PLXNC1: variants seen among roughly 807,000 people sequenced by gnomAD.
PLXNC1 encodes plexin-C1.
PLXNC1 carries 75 observed loss-of-function variants against 178.2 expected under a neutral mutation model. That is an observed-to-expected ratio of 0.42 (90% CI 0.35 to 0.51). PLXNC1 has a LOEUF of 0.51. PLXNC1 is among the 20% of genes least tolerant of loss of function. The pLI, the probability that PLXNC1 is intolerant of heterozygous loss-of-function variation, is 0.02. For missense variants in PLXNC1, 1,503 were observed against 1,984.4 expected (o/e 0.76, Z 4.61); for synonymous variants, 790 against 779.9 (o/e 1.01, Z -0.22).
intron 21 of PLXNC1, among the ~76,000 whole-genome samples, chr12:94,275,589 C>T (rs1162572651): frequency 1.2e-5 from 1 of 86,094 alleles, no homozygotes; most frequent in African/African-American, 5.0e-5. Context: ...CGCGGTGGCT[C>T]ACGCCTGTAA....
chr12:94,197,306 G>T (rs1366511131), intron 4 of PLXNC1, among the ~76,000 whole-genome samples: 2 of 152,180 alleles, frequency 1.3e-5, no homozygotes, highest in Non-Finnish European at 2.9e-5. Flanking sequence ...CCTTTCGGAC[G>T]TGATTAGGTC....
At position 94,150,033 on chromosome 12, in the gene PLXNC1, C is replaced by T; in HGVS notation, c.1062C>T (p.Cys354=). The change falls in exon 1 of 31, where the codon TGC becomes TGT. Residue 354 remains cysteine, a splice_region_variant and synonymous_variant. Transcript: ENST00000258526. ...SWDFKTAESH[C]KEGDQPERVQ... ...ACTTCAAGACGGCCGAGAGCCACTG[C>T]GTAAGTCCTGCCCCCGGGGCGCCGC... 1 of 1,580,904 alleles carries T rather than the reference C, an allele frequency of 6.3e-7. No homozygotes were observed.
At chr12:94,196,203 G>T (rs773510748) in intron 4 of PLXNC1, among the ~76,000 whole-genome samples, 3 of 152,182 alleles carry the variant, frequency 2.0e-5, no homozygotes, top group Admixed American at 6.5e-5. Flanking sequence ...ATAGGGCTTA[G>T]ATGTTTTGTC....
chr12:94,189,828 A>G (rs1352827658), intron 4 of PLXNC1, among the ~76,000 whole-genome samples: 2 of 152,192 alleles, frequency 1.3e-5, no homozygotes, highest in Non-Finnish European at 2.9e-5. Flanking sequence ...GAGAGGTGTC[A>G]AGGAACTGAG....
rs1418291782 is a variant in PLXNC1 at position 94,298,718 on chromosome 12, T to C, written c.4161T>C (p.Phe1387=). 1.9e-6 allele frequency: 3 copies of C among 1,613,354 alleles called. No homozygotes were observed. The highest frequency in any genetic ancestry group is 1.1e-5 in the South Asian group (1 of 90,830). ...GAGCTCCATTTGCTATAAAATACTTTTTTGACTTTTTGGACGCCCAGGCTG... is the reference window on the plus strand; with the variant it reads ...GAGCTCCATTTGCTATAAAATACTTCTTTGACTTTTTGGACGCCCAGGCTG... ...NSRAPFAIKY[F]FDFLDAQAEN... The change falls in exon 27 of 31, where the codon TTT becomes TTC. Residue 1387 remains phenylalanine (F), a synonymous_variant. Transcript: ENST00000258526.
At chr12:94,175,688 C>T (rs999069833) in intron 2 of PLXNC1, among the ~76,000 whole-genome samples, 1 of 152,218 alleles carries the variant, frequency 6.6e-6, no homozygotes, top group Non-Finnish European at 1.5e-5. Context: ...CTGAAGAGCC[C>T]TATAAAATCT....
At chr12:94,226,403 C>T in intron 7 of PLXNC1, 1 of 504,068 alleles carries the variant, frequency 2.0e-6, no homozygotes, top group Non-Finnish European at 3.6e-6. Flanking sequence ...TCCATGGCAA[C>T]ACCCCTGCAG....
chr12:94,246,940 T>C (rs995566235), intron 12 of PLXNC1, among the ~76,000 whole-genome samples: 6 of 152,164 alleles, frequency 3.9e-5, no homozygotes, highest in Non-Finnish European at 8.8e-5. Context: ...ATAAATTTCT[T>C]TTTATGAGTT....
chr12:94,268,159 C>A (rs1965358363), intron 21 of PLXNC1, among the ~76,000 whole-genome samples: 1 of 152,210 alleles, frequency 6.6e-6, no homozygotes, highest in African/African-American at 2.4e-5. Context: ...AGAAGCACAG[C>A]ACCTCATATA....
At position 94,181,588 on chromosome 12, in the gene PLXNC1, G is replaced by A; in HGVS notation, c.1338+8G>A. On this transcript the variant is annotated splice_region_variant and intron_variant, in intron 3 of 30. Transcript: ENST00000258526. The stretch of plus-strand genomic sequence containing the variant: ...CTAACAGCTGGGAAAGAGGTAGGTA[G>A]AAATACTAGTTATTGCTTCTGATTT... 6.3e-7 allele frequency: 1 copy of A among 1,594,752 alleles called. No homozygotes were observed. The highest frequency in any genetic ancestry group is 8.6e-7 in the Non-Finnish European group (1 of 1,165,834).
intron 4 of PLXNC1, among the ~76,000 whole-genome samples, chr12:94,190,746 C>T (rs1031152338): frequency 1.3e-5 from 2 of 152,226 alleles, no homozygotes; most frequent in African/African-American, 2.4e-5. Flanking sequence ...ACTTCTCTGA[C>T]CTCTCATGCC....
At chr12:94,194,238 A>C (rs1202883305) in intron 4 of PLXNC1, among the ~76,000 whole-genome samples, 1 of 152,176 alleles carries the variant, frequency 6.6e-6, no homozygotes, top group East Asian at 1.9e-4. Context: ...CCATTCATGA[A>C]GGACCCACCC....
Position 94,149,098 on chromosome 12 carries a change from G to T in PLXNC1, c.127G>T (p.Glu43Ter). The stretch of plus-strand genomic sequence containing the variant: ...CGCGGACGAGCCCGTGTGGCGGTCG[G>T]AGCAAGCCATCGGAGCCATCGCGGC... The part of the protein sequence containing the change: ...RGADEPVWRS[E>*]QAIGAIAASQ... Residue 43 changes from glutamate to a stop codon, truncating the protein, a stop_gained, in exon 1 of 31, where the codon GAG (glutamate) becomes TAG (stop). Transcript: ENST00000258526. LOFTEE classifies it high-confidence loss of function. 6.3e-7 allele frequency: 1 copy of T among 1,584,720 alleles called. No homozygotes were observed.
At chr12:94,173,227 C>G (rs767059374) in intron 2 of PLXNC1, among the ~76,000 whole-genome samples, 1 of 152,128 alleles carries the variant, frequency 6.6e-6, no homozygotes, top group Admixed American at 6.5e-5. Flanking sequence ...AAACACACAC[C>G]GAGTCTTTCT....
In PLXNC1 at chr12:94,288,895, AGT is replaced by A. The variant is rs577551196; in HGVS notation, c.3880-5589_3880-5588del. ...GAGATTTCAATCAGAGTTTCTGTGTAGTGATTTGATTCTCATGTTTTCAGATT... is the reference window on the plus strand; with the variant it reads ...GAGATTTCAATCAGAGTTTCTGTGTAGATTTGATTCTCATGTTTTCAGATT... On this transcript the variant is annotated intron_variant, in intron 23 of 30. Transcript: ENST00000258526. Among the ~76,000 whole-genome samples, 377 of 152,356 alleles carry A rather than the reference AGT, an allele frequency of 2.5e-3. 1 individual carries two copies. Among genetic ancestry groups the A allele is most frequent in the African/African-American group, 8.2e-3 (343 of 41,584 alleles).
intron 17 of PLXNC1, among the ~76,000 whole-genome samples, chr12:94,258,202 C>T (rs1454210783): frequency 6.6e-6 from 1 of 152,170 alleles, no homozygotes; most frequent in Non-Finnish European, 1.5e-5. Context: ...AAGAATCAAC[C>T]TGTTTCTCCT....
intron 15 of PLXNC1, among the ~76,000 whole-genome samples, chr12:94,251,858 G>A (rs1056429506): frequency 6.6e-6 from 1 of 152,184 alleles, no homozygotes; most frequent in Non-Finnish European, 1.5e-5. Context: ...CGGGCGTGAT[G>A]GCAGGTGCCT....
At chr12:94,243,191 C>T (rs571990747) in intron 11 of PLXNC1, among the ~76,000 whole-genome samples, 1 of 152,204 alleles carries the variant, frequency 6.6e-6, no homozygotes, top group Admixed American at 6.5e-5. Context: ...TGCTCAGGCC[C>T]ACCTCCTGGT....
rs1565871369 is a variant in PLXNC1, at chr12:94,297,169, CCT to C, written c.3935-17_3935-16del. 6 of 1,612,306 alleles carry C rather than the reference CCT, an allele frequency of 3.7e-6. No individual in the cohort carries two copies. In the African/African-American group the frequency reaches 5.3e-5, roughly 14 times the overall value. ...TTTTTTTAATGGACTGCTTTCTCTC[CCT>C]CTTTCTCTGGCATTCAGATGTGGAG... On this transcript the variant is annotated intron_variant, in intron 24 of 30. Transcript: ENST00000258526.
Sources: allele counts gnomAD v4.1 joint callset (sites outside exome capture counted in the v4.1 genomes callset), GRCh38; gene constraint gnomAD v4.1.1; transcripts MANE v1.5; gene names NCBI Gene and HGNC (gene_info 2026-07-23, HGNC 2026-07-21).